DHX8: variants seen among roughly 807,000 people sequenced by gnomAD.
DHX8 encodes the protein ATP-dependent RNA helicase DHX8.
DHX8 carries 67 observed loss-of-function variants against 140.7 expected under a neutral mutation model. The ratio of observed to expected loss-of-function variants is 0.48; its 90% CI spans 0.39 to 0.58. The LOEUF is 0.58. Ranked by LOEUF, DHX8 falls within the 20% of genes least tolerant of loss-of-function variation. The pLI is 0.00. For missense variants in DHX8, 887 were observed against 1,550.7 expected (o/e 0.57, Z 7.19); for synonymous variants, 533 against 553.2 (o/e 0.96, Z 0.51).
Position 43,491,259 on chromosome 17 carries a change from A to G in DHX8, c.393+9A>G. The stretch of plus-strand genomic sequence containing the variant: ...ACAACCCTTCTGTTCGGGTACTGAT[A>G]CCATTTTAAGAGTGTCTACTATAAA... On this transcript the variant is annotated intron_variant, in intron 4 of 22. Transcript: ENST00000262415. 1 of 1,469,590 alleles carries G rather than the reference A, an allele frequency of 6.8e-7. No individual in the cohort carries two copies. Among genetic ancestry groups the G allele is most frequent in the Non-Finnish European group, 9.1e-7 (1 of 1,093,000 alleles). 91.0% of individuals were successfully genotyped at this position (1,469,590 alleles called of 1,614,324 possible).
chr17:43,507,695 A>T lies in DHX8; in HGVS notation c.2109+7A>T. On this transcript the variant is annotated splice_region_variant and intron_variant, in intron 14 of 22. Transcript: ENST00000262415. Reference sequence around the variant, plus strand: ...CTTTGGATTGTTGAAAAAGGTAACTAGATGCTCTTTAATGACCCCTCTACC... The same window carrying T: ...CTTTGGATTGTTGAAAAAGGTAACTTGATGCTCTTTAATGACCCCTCTACC... 3 of 1,613,664 alleles carry T rather than the reference A, an allele frequency of 1.9e-6. No individual in the cohort carries two copies. The highest frequency in any genetic ancestry group is 2.5e-6 in the Non-Finnish European group (3 of 1,179,642).
downstream of DHX8, chr17:43,525,897 A>G: frequency 2.0e-6 from 2 of 985,390 alleles, no homozygotes; most frequent in Non-Finnish European, 2.4e-6. Flanking sequence ...TTGGGTTTCA[A>G]GCTGAGGTTG....
intron 17 of DHX8, among the ~76,000 whole-genome samples, chr17:43,514,988 T>C (rs752558033): frequency 6.6e-6 from 1 of 152,182 alleles, no homozygotes; most frequent in Non-Finnish European, 1.5e-5. Context: ...GAGTGAGCTG[T>C]GCCCAAGATT....
chr17:43,528,633 AG>A (rs1369879565), downstream of DHX8: 1 of 1,614,184 alleles, frequency 6.2e-7, no homozygotes. Context: ...CCTCACTGAC[AG>A]GCCGGTCAAA....
chr17:43,501,814 A>T (rs1567683864), intron 11 of DHX8, among the ~76,000 whole-genome samples: 1 of 152,170 alleles, frequency 6.6e-6, no homozygotes. Context: ...CAGCTGGCAC[A>T]TGGCATGACC....
At chr17:43,515,982 A>T (rs1970095658) in intron 17 of DHX8, among the ~76,000 whole-genome samples, 1 of 151,956 alleles carries the variant, frequency 6.6e-6, no homozygotes, top group Admixed American at 6.6e-5. Flanking sequence ...CATTTTTTTT[A>T]ATTAAAAAAA....
Position 43,543,296 on chromosome 17 carries a change from T to TCTCTCTCTCTCTCTCTCTCTCTCTCTCA in DHX8, c.*21-865_*21-864insTCTCTCTCTCTCTCTCTCTCTCTCTCAC, listed in dbSNP as rs888736657. The stretch of plus-strand genomic sequence containing the variant: ...CACACACTCTCTCTCTCTCTCTCTC[T>TCTCTCTCTCTCTCTCTCTCTCTCTCTCA]CACACACACACTTGCTGTCACACCG... On this transcript the variant is annotated intron_variant, in intron 3 of 3. Coordinates refer to the DHX8 transcript ENST00000589898. 4.9e-5 allele frequency among the ~76,000 whole-genome samples: 7 copies of TCTCTCTCTCTCTCTCTCTCTCTCTCTCA among 143,462 alleles called. No individual in the cohort carries two copies. In the South Asian group the frequency reaches 6.9e-4, roughly 14 times the overall value. 94.1% of individuals were successfully genotyped at this position (143,462 alleles called of 152,430 possible). A position where few individuals can be genotyped will look rare whatever the true frequency, so the allele number is the denominator to read the frequency against.
chr17:43,501,858 C>T (rs1180727412), intron 11 of DHX8, among the ~76,000 whole-genome samples: 1 of 152,012 alleles, frequency 6.6e-6, no homozygotes, highest in Admixed American at 6.6e-5. Flanking sequence ...TTGAGGGTGC[C>T]CTGCAGAATG....
At chr17:43,505,929 T>C (rs1969470492) in intron 12 of DHX8, among the ~76,000 whole-genome samples, 1 of 152,082 alleles carries the variant, frequency 6.6e-6, no homozygotes, top group African/African-American at 2.4e-5. Flanking sequence ...ACTGTGTGTG[T>C]TTACAGGTGG....
chr17:43,525,205 T>C lies in DHX8; in HGVS notation c.*1358T>C. The C allele has an allele frequency of 1.0e-6, 1 of 985,446 alleles. No individual in the cohort carries two copies. Among genetic ancestry groups the C allele is most frequent in the Non-Finnish European group, 1.2e-6 (1 of 829,936 alleles). The allele number at this position is 985,446 out of a possible 1,614,324, so 61.0% of individuals were successfully genotyped here. ...TGCTTGTAGAGAAGCTTCTGAGAGA[T>C]TGGGCACATCCTGTTACGTTGCTGC... On this transcript the variant is annotated 3_prime_UTR_variant, in exon 23 of 23. Transcript: ENST00000262415.
chr17:43,522,790 ATGGTGGC>A (rs1970445009), intron 22 of DHX8, among the ~76,000 whole-genome samples: 1 of 149,716 alleles, frequency 6.7e-6, no homozygotes, highest in African/African-American at 2.5e-5. Flanking sequence ...GGGGCTAGGC[ATGGTGGC>A]TCACGTCTGT....
chr17:43,528,495 G>C, downstream of DHX8: 3 of 1,521,998 alleles, frequency 2.0e-6, no homozygotes, highest in Non-Finnish European at 2.7e-6. Flanking sequence ...ACCCACCTGC[G>C]GCAGGGGGAA....
intron 20 of DHX8, 84 bp downstream of exon 20, chr17:43,520,963 ACTTTT>A: frequency 1.5e-6 from 1 of 656,130 alleles, no homozygotes; most frequent in Non-Finnish European, 2.0e-6. Flanking sequence ...CTTGATGTGG[ACTTTT>A]TTTTTTTTTT....
At chr17:43,512,247 C>T (rs1969882011) in intron 16 of DHX8, among the ~76,000 whole-genome samples, 1 of 151,944 alleles carries the variant, frequency 6.6e-6, no homozygotes, top group Admixed American at 6.6e-5. Flanking sequence ...ATTAGCCAGG[C>T]ATGGTGACAC....
At position 43,491,179 on chromosome 17, in the gene DHX8, C is replaced by A; in HGVS notation, c.322C>A (p.Pro108Thr). ...AATGAAACAAGATCCAGTTGTTAAA[C>A]CTAAAACAGAAAAAGAAAAGCTGAA... ...PSTSKDPVVKPKTEKEKLKEL... is the reference protein window; with the variant it reads ...PSTSKDPVVKTKTEKEKLKEL... The change falls in exon 4 of 23, where the codon CCT becomes ACT. Residue 108 changes from proline to threonine, a missense_variant. Transcript: ENST00000262415. 6.5e-7 allele frequency: 1 copy of A among 1,539,786 alleles called. No homozygotes were observed. The highest frequency in any genetic ancestry group is 8.7e-7 in the Non-Finnish European group (1 of 1,143,682).
At chr17:43,536,377 C>T in intron 2 of DHX8, 1 of 1,520,658 alleles carries the variant, frequency 6.6e-7, no homozygotes, top group Non-Finnish European at 9.1e-7. Context: ...TGACTCACTT[C>T]CTGCCATCCT....
At chr17:43,521,274 CTT>C in intron 20 of DHX8, 93 bp from the exon 21 acceptor site, 1 of 1,078,120 alleles carries the variant, frequency 9.3e-7, no homozygotes, top group Non-Finnish European at 1.3e-6. Flanking sequence ...GATGTGGACA[CTT>C]TTGATAGGGT....
At chr17:43,528,703 G>A (rs1323536883), downstream of DHX8, 1 of 1,614,024 alleles carries the variant, frequency 6.2e-7, no homozygotes, top group African/African-American at 1.3e-5. Flanking sequence ...GAGGGCCTCG[G>A]GCTCACACAC....
chr17:43,497,432 A>G (rs1968929278), intron 9 of DHX8, among the ~76,000 whole-genome samples: 1 of 152,086 alleles, frequency 6.6e-6, no homozygotes, highest in Non-Finnish European at 1.5e-5. Flanking sequence ...TATGTGCAAA[A>G]TGTTCTTTTT....
Sources: allele counts gnomAD v4.1 joint callset (sites outside exome capture counted in the v4.1 genomes callset), GRCh38; gene constraint gnomAD v4.1.1; transcripts MANE v1.5; gene names NCBI Gene and HGNC (gene_info 2026-07-23, HGNC 2026-07-21).